BRWD1: variants seen among roughly 807,000 people sequenced by gnomAD.
BRWD1 encodes the protein bromodomain and WD repeat domain containing 1, also known as bromodomain and WD repeat-containing protein 1.
A neutral mutation model predicts 251.2 loss-of-function variants in BRWD1; 82 were observed. The ratio of observed to expected loss-of-function variants is 0.33; its 90% CI spans 0.27 to 0.39. The LOEUF (loss-of-function observed/expected upper bound fraction) is 0.39. Among genes scored for constraint, BRWD1 ranks in the 10% least tolerant of loss-of-function variants. The pLI, the probability that BRWD1 is intolerant of heterozygous loss-of-function variation, is 1.00. For synonymous variants in BRWD1, 918 were observed against 902.8 expected, an observed-to-expected ratio of 1.02 and a Z score of -0.30; for missense variants, 2,233 against 2,711.6, an observed-to-expected ratio of 0.82 and a Z score of 3.92.
At chr21:39,291,232 C>T (rs1479727035) in intron 8 of BRWD1, among the ~76,000 whole-genome samples, 1 of 152,226 alleles carries the variant, frequency 6.6e-6, no homozygotes, top group East Asian at 1.9e-4. Context: ...TAAAATTTCA[C>T]ACCAAATCTA....
chr21:39,209,026 A>G (rs1053797812), intron 36 of BRWD1, among the ~76,000 whole-genome samples: 22 of 152,172 alleles, frequency 1.4e-4, no homozygotes, highest in Non-Finnish European at 2.6e-4. Flanking sequence ...TAAAACACTA[A>G]AACTCCCTCT....
chr21:39,312,595 G>GGACCTCCGCGAGTCGC, intron 4 of BRWD1: 1 of 360,166 alleles, frequency 2.8e-6, no homozygotes, highest in Non-Finnish European at 5.2e-6. Flanking sequence ...CCCTGCCGCA[G>GGACCTCCGCGAGTCGC]GACCTCCGCG....
intron 21 of BRWD1, among the ~76,000 whole-genome samples, chr21:39,243,512 C>T (rs1265053802): frequency 6.6e-6 from 1 of 152,162 alleles, no homozygotes; most frequent in Non-Finnish European, 1.5e-5. Context: ...CTGGCGCAAC[C>T]AAGGCTCATT....
intron 4 of BRWD1, among the ~76,000 whole-genome samples, chr21:39,303,148 AGTAATGTATATTG>A (rs2036173958): frequency 2.0e-5 from 3 of 151,702 alleles, no homozygotes; most frequent in Admixed American, 2.0e-4. Flanking sequence ...ACTAATGTAA[AGTAATGTATATTG>A]GTAATGTATA....
Position 39,189,701 on chromosome 21 carries a change from G to T in BRWD1, c.*6558C>A. 1 of 981,758 alleles carries T rather than the reference G, an allele frequency of 1.0e-6. No homozygotes were observed. Among genetic ancestry groups the T allele is most frequent in the South Asian group, 4.7e-5 (1 of 21,216 alleles). The allele number at this position is 981,758 out of a possible 1,614,324, so 60.8% of individuals were successfully genotyped here. On this transcript the variant is annotated 3_prime_UTR_variant, in exon 41 of 41. Coordinates refer to ENST00000342449, the MANE Select transcript of BRWD1 (RefSeq NM_033656.4). ...GGAGAATTTTTTTAAATACATTCAA[G>T]TCAGTGTTAATTTTATTACTGAAAA...
intron 9 of BRWD1, 140 bp downstream of exon 9, chr21:39,280,008 T>C (rs2035407262): frequency 1.7e-6 from 1 of 574,868 alleles, no homozygotes; most frequent in Non-Finnish European, 3.0e-6. Context: ...GCACATATGC[T>C]GTATATAATA....
intron 12 of BRWD1, 57 bp downstream of exon 12, chr21:39,276,116 G>A (rs928837909): frequency 2.0e-6 from 3 of 1,474,672 alleles, no homozygotes; most frequent in Admixed American, 1.9e-5. Flanking sequence ...ATACTAACAT[G>A]TAGCACATTA....
intron 8 of BRWD1, among the ~76,000 whole-genome samples, chr21:39,290,345 C>T (rs1025408341): frequency 4.6e-5 from 7 of 151,880 alleles, no homozygotes; most frequent in Admixed American, 2.6e-4. Context: ...AAAAATTAGC[C>T]GGGCGTGGTG....
intron 4 of BRWD1, among the ~76,000 whole-genome samples, chr21:39,301,539 A>G (rs1485179996): frequency 6.6e-6 from 1 of 152,158 alleles, no homozygotes. Context: ...TTGGAAGCCT[A>G]TTCCTCCCGT....
At chr21:39,248,449 A>G (rs1401882553) in intron 20 of BRWD1, among the ~76,000 whole-genome samples, 1 of 151,618 alleles carries the variant, frequency 6.6e-6, no homozygotes. Flanking sequence ...TGCCCCTAAA[A>G]AACAACAAAA....
intron 39 of BRWD1, 95 bp from the exon 40 acceptor site, chr21:39,199,757 G>A (rs1304766918): frequency 4.1e-6 from 5 of 1,231,038 alleles, no homozygotes; most frequent in Non-Finnish European, 5.5e-6. Flanking sequence ...ACTTTTTTGG[G>A]GGGCGGGGAG....
intron 16 of BRWD1, 28 bp downstream of exon 16, chr21:39,264,863 C>T (rs775972884): frequency 6.2e-7 from 1 of 1,604,158 alleles, no homozygotes; most frequent in Admixed American, 1.8e-5. Context: ...CTATTACTTG[C>T]ATGCTACAAC....
At chr21:39,252,950 T>C (rs535064464) in intron 19 of BRWD1, among the ~76,000 whole-genome samples, 2 of 152,344 alleles carry the variant, frequency 1.3e-5, no homozygotes, top group South Asian at 2.1e-4. Flanking sequence ...AGATATGTAA[T>C]AGCTACAGCT....
Position 39,195,441 on chromosome 21 carries a change from A to G in BRWD1, c.*818T>C, listed in dbSNP as rs1272159378. On this transcript the variant is annotated 3_prime_UTR_variant, in exon 41 of 41. Transcript: ENST00000342449. ...TTATGGAAGAGCAAGATTTTGGTTAAATCCCTTACAATGGAAACCAGGAGA... is the reference window on the plus strand; with the variant it reads ...TTATGGAAGAGCAAGATTTTGGTTAGATCCCTTACAATGGAAACCAGGAGA... 2.0e-6 allele frequency: 2 copies of G among 985,626 alleles called. No individual in the cohort carries two copies. Among genetic ancestry groups the G allele is most frequent in the Non-Finnish European group, 2.4e-6 (2 of 829,894 alleles). 61.1% of individuals were successfully genotyped at this position (985,626 alleles called of 1,614,324 possible).
intron 4 of BRWD1, among the ~76,000 whole-genome samples, chr21:39,307,687 A>C (rs915330934): frequency 8.7e-5 from 13 of 149,754 alleles, no homozygotes; most frequent in African/African-American, 3.1e-4. Flanking sequence ...ACTGCCAGAT[A>C]CTTTAAGTCT....
At chr21:39,302,996 T>C (rs1481448046) in intron 4 of BRWD1, among the ~76,000 whole-genome samples, 1 of 151,054 alleles carries the variant, frequency 6.6e-6, no homozygotes, top group Non-Finnish European at 1.5e-5. Context: ...GAGACAAAGG[T>C]TGCAGTGAGC....
chr21:39,245,601 G>GTTT (rs11298805), intron 21 of BRWD1, among the ~76,000 whole-genome samples: 5 of 118,802 alleles, frequency 4.2e-5, no homozygotes, highest in African/African-American at 1.6e-4. Context: ...TTTTTTTTTG[G>GTTT]TTTTTTTTTT....
intron 29 of BRWD1, among the ~76,000 whole-genome samples, chr21:39,223,602 T>C (rs1409745923): frequency 4.6e-5 from 7 of 152,146 alleles, no homozygotes; most frequent in Admixed American, 2.6e-4. Context: ...GAAATTAAAA[T>C]TGTTGGAGGG....
rs1178612676 is a variant in BRWD1, at chr21:39,196,574, T to C, written c.6495A>G (p.Glu2165=). ...TATTATCAGTACAGTCAATATCTGA[T>C]TCAGTTACAGATCCCAAATCTGATG... ...SKSSDLGSVT[E]SDIDCTDNTK... is the part of the protein sequence containing the mutation. Residue 2165 remains glutamate (E), a synonymous_variant, in exon 41 of 41, where the codon GAA becomes GAG. Coordinates refer to ENST00000342449, the MANE Select transcript of BRWD1 (RefSeq NM_033656.4). 13 of 1,613,554 alleles carry C rather than the reference T, an allele frequency of 8.1e-6. No individual in the cohort carries two copies. The highest frequency in any genetic ancestry group is 5.1e-6 in the Non-Finnish European group (6 of 1,179,780).
Sources: gnomAD v4.1 joint callset for allele counts (sites outside exome capture counted in the v4.1 genomes callset) on GRCh38, gnomAD v4.1.1 for gene constraint, MANE v1.5 for transcripts, NCBI Gene and HGNC (gene_info 2026-07-23, HGNC 2026-07-21) for gene names.